The following TMEM38A variants were observed in gnomAD, a reference collection of about 807,000 sequenced individuals.
TMEM38A encodes the protein trimeric intracellular cation channel type A.
In TMEM38A, 17 loss-of-function variants were observed where a neutral mutation model predicts 28.6. The ratio of observed to expected loss-of-function variants is 0.60; its 90% confidence interval spans 0.41 to 0.89. The LOEUF is 0.89. Ranked by LOEUF, TMEM38A falls within the 40% of genes least tolerant of loss-of-function variation. TMEM38A has a pLI of 0.00. For synonymous variants in TMEM38A, 169 were observed against 166.1 expected, an observed-to-expected ratio of 1.02 and a Z score of -0.14; for missense variants, 328 against 393.1, an observed-to-expected ratio of 0.83 and a Z score of 1.40.
At chr19:16,662,262 GGAAAT>G (rs2086685278) in intron 1 of TMEM38A, among the ~76,000 whole-genome samples, 1 of 151,928 alleles carries the variant, frequency 6.6e-6, no homozygotes, top group Admixed American at 6.6e-5. Context: ...AGCTCAGAAA[GGAAAT>G]AGCTTTATTC....
intron 5 of TMEM38A, 102 bp downstream of exon 5, chr19:16,686,507 T>C: frequency 1.1e-6 from 1 of 925,598 alleles, no homozygotes; most frequent in Non-Finnish European, 1.7e-6. Flanking sequence ...CTTATGTGGC[T>C]GGGACAGGCA....
chr19:16,666,423 ACT>A (rs577094040), intron 1 of TMEM38A, among the ~76,000 whole-genome samples: 1 of 151,530 alleles, frequency 6.6e-6, no homozygotes, highest in Non-Finnish European at 1.5e-5. Context: ...GGCCAATTTA[ACT>A]TTAAAAAAAT....
In TMEM38A at chr19:16,688,197, C is replaced by A; in HGVS notation, c.726C>A (p.Gly242=). The change falls in exon 6 of 6, where the codon GGC becomes GGA. Residue 242 remains glycine (G), a synonymous_variant. Coordinates refer to ENST00000187762, the MANE Select transcript of TMEM38A (RefSeq NM_024074.4). ...SHSSPFDALE[G]YICPVLFGSA... ...GCTCCCCCTTTGATGCCCTGGAGGG[C>A]TACATCTGCCCCGTGCTGTTTGGTT... 1 of 1,519,942 alleles carries A rather than the reference C, an allele frequency of 6.6e-7. No individual in the cohort carries two copies. The highest frequency in any genetic ancestry group is 8.9e-7 in the Non-Finnish European group (1 of 1,128,392). 94.2% of individuals were successfully genotyped at this position (1,519,942 alleles called of 1,614,324 possible).
rs1474285493 is a variant in TMEM38A, at chr19:16,661,872, C to G, written c.124+531C>G. On this transcript the variant is annotated intron_variant, in intron 1 of 5. Transcript: ENST00000187762. This position sits in a 1 kb window ranked among gnomAD's most constrained non-coding sequence, Gnocchi z 6.5. ...AGCACCCTCCACTCCCCTCCCTTCCCCCACGGTGCTGAATCTCCGAGCCCC... is the reference window on the plus strand; with the variant it reads ...AGCACCCTCCACTCCCCTCCCTTCCGCCACGGTGCTGAATCTCCGAGCCCC... Among the ~76,000 whole-genome samples, 1 of 152,106 alleles carries G rather than the reference C, an allele frequency of 6.6e-6. No individual in the cohort carries two copies.
At chr19:16,682,977 AT>A (rs964233213) in intron 4 of TMEM38A, among the ~76,000 whole-genome samples, 1 of 151,828 alleles carries the variant, frequency 6.6e-6, no homozygotes, top group African/African-American at 2.4e-5. Context: ...AATGTTTTTT[AT>A]TTTTTTATTT....
chr19:16,677,166 T>G (rs1210664884), intron 1 of TMEM38A, among the ~76,000 whole-genome samples: 1 of 151,926 alleles, frequency 6.6e-6, no homozygotes, highest in Non-Finnish European at 1.5e-5. Context: ...TTTAAAATAC[T>G]TCTTATCTTG....
chr19:16,674,040 T>C (rs1376641969), intron 1 of TMEM38A, among the ~76,000 whole-genome samples: 4 of 151,968 alleles, frequency 2.6e-5, no homozygotes, highest in Non-Finnish European at 5.9e-5. Context: ...GAGCTATGAT[T>C]GCATCACTGC....
chr19:16,686,466 G>T, intron 5 of TMEM38A, 61 bp downstream of exon 5: 9 of 1,408,284 alleles, frequency 6.4e-6, no homozygotes, highest in Non-Finnish European at 9.0e-6. Context: ...CCACCTCCAG[G>T]TTGGGAGTGG....
chr19:16,672,917 G>A (rs1444763352), intron 1 of TMEM38A, among the ~76,000 whole-genome samples: 1 of 152,144 alleles, frequency 6.6e-6, no homozygotes, highest in Non-Finnish European at 1.5e-5. Flanking sequence ...GCTGTGTGGT[G>A]CCACTGTCAT....
chr19:16,678,588 C>T (rs538712643), intron 1 of TMEM38A, among the ~76,000 whole-genome samples: 7 of 151,534 alleles, frequency 4.6e-5, no homozygotes, highest in African/African-American at 1.4e-4. Context: ...GGCGAAACCC[C>T]GTGCCTACTT....
chr19:16,688,117 G>A (rs777126707), intron 5 of TMEM38A, 27 bp from the exon 6 acceptor site: 12 of 1,401,440 alleles, frequency 8.6e-6, no homozygotes, highest in Admixed American at 2.7e-5. Flanking sequence ...TGTCTCTCTT[G>A]CTGTCTCCCT....
intron 1 of TMEM38A, among the ~76,000 whole-genome samples, chr19:16,672,380 C>A (rs1390968823): frequency 6.6e-6 from 1 of 150,542 alleles, no homozygotes; most frequent in Non-Finnish European, 1.5e-5. Context: ...TATCTTGGGC[C>A]TCACATAAAA....
rs756211456 is a variant in TMEM38A at position 16,661,247 on chromosome 19, C to A, written c.30C>A (p.Gly10=). The change falls in exon 1 of 6, where the codon GGC becomes GGA. Residue 10 remains glycine, a synonymous_variant. Coordinates refer to ENST00000187762, the MANE Select transcript of TMEM38A (RefSeq NM_024074.4). This position sits in a 1 kb window ranked among gnomAD's most constrained non-coding sequence, Gnocchi z 6.5. MELLSALSL[G]ELALSFSRVP... ...AGCTGCTCTCGGCGCTGAGCCTGGG[C>A]GAACTGGCGCTCAGCTTCTCGCGGG... 2 of 1,588,612 alleles carry A rather than the reference C, an allele frequency of 1.3e-6. No homozygotes were observed. The highest frequency in any genetic ancestry group is 1.7e-6 in the Non-Finnish European group (2 of 1,168,666).
chr19:16,661,425 C>G lies in TMEM38A; in HGVS notation c.124+84C>G, dbSNP rs544742835. ...TCGGGGGTCGCAGAGAGGGGAAGCCCGTGCGTGGTGGAGGGAGCGAGGGAC... is the reference window on the plus strand; with the variant it reads ...TCGGGGGTCGCAGAGAGGGGAAGCCGGTGCGTGGTGGAGGGAGCGAGGGAC... On this transcript the variant is annotated intron_variant, in intron 1 of 5. Transcript: ENST00000187762. The surrounding 1 kb of genome is among the most constrained non-coding windows in gnomAD (Gnocchi z 6.5). The G allele has an allele frequency of 2.4e-6, 3 of 1,234,944 alleles. No homozygotes were observed. Among genetic ancestry groups the G allele is most frequent in the Non-Finnish European group, 3.3e-6 (3 of 915,834 alleles). 76.5% of individuals were successfully genotyped at this position (1,234,944 alleles called of 1,614,324 possible). A position where few individuals can be genotyped will look rare whatever the true frequency, so the allele number is the denominator to read the frequency against.
In TMEM38A at chr19:16,685,048, C is replaced by CAA. The variant is rs1268246986; in HGVS notation, c.555-1240_555-1239insAA. On this transcript the variant is annotated intron_variant, in intron 4 of 5. Coordinates refer to ENST00000187762, the MANE Select transcript of TMEM38A (RefSeq NM_024074.4). Reference sequence around the variant, plus strand: ...TGGGTGATAGAGAGAGACCCTGTCTCTGTAAATAAATAAATAAATAAATAA... The same window carrying CAA: ...TGGGTGATAGAGAGAGACCCTGTCTCAATGTAAATAAATAAATAAATAAATAA... 5.2e-3 allele frequency among the ~76,000 whole-genome samples: 435 copies of CAA among 84,456 alleles called. 3 individuals are homozygous for CAA. Among genetic ancestry groups the CAA allele is most frequent in the African/African-American group, 0.044 (380 of 8,600 alleles). 55.4% of individuals were successfully genotyped at this position (84,456 alleles called of 152,430 possible). A position where few individuals can be genotyped will look rare whatever the true frequency, so the allele number is the denominator to read the frequency against.
intron 5 of TMEM38A, among the ~76,000 whole-genome samples, chr19:16,686,835 C>T (rs1216412844): frequency 6.6e-6 from 1 of 152,086 alleles, no homozygotes; most frequent in Non-Finnish European, 1.5e-5. Context: ...GATCTTAGCT[C>T]AGGGCTGTGT....
chr19:16,673,805 G>A (rs1158031487), intron 1 of TMEM38A, among the ~76,000 whole-genome samples: 3 of 152,056 alleles, frequency 2.0e-5, no homozygotes, highest in Non-Finnish European at 4.4e-5. Flanking sequence ...CCAGAAATGC[G>A]CAGGCCTGCT....
chr19:16,669,720 C>T (rs562970649), intron 1 of TMEM38A, among the ~76,000 whole-genome samples: 173 of 152,192 alleles, frequency 1.1e-3, no homozygotes, highest in African/African-American at 4.1e-3. Context: ...GAAGACTGGT[C>T]CTAGAGTCAC....
intron 1 of TMEM38A, among the ~76,000 whole-genome samples, chr19:16,665,523 GAATCAT>G (rs1427250006): frequency 1.3e-5 from 2 of 151,976 alleles, no homozygotes; most frequent in Non-Finnish European, 2.9e-5. Flanking sequence ...AAACGTCTCT[GAATCAT>G]GGGAGTCAGT....
Sources: allele counts gnomAD v4.1 joint callset (sites outside exome capture counted in the v4.1 genomes callset), GRCh38; gene constraint gnomAD v4.1.1; non-coding constraint Gnocchi (gnomAD v3.1); transcripts MANE v1.5; gene names NCBI Gene and HGNC (gene_info 2026-07-23, HGNC 2026-07-21).